The following ZNF469 variants were observed in gnomAD, a reference collection of about 807,000 sequenced individuals.
ZNF469 encodes the protein zinc finger protein 469.
A neutral mutation model predicts 1.0 loss-of-function variants in ZNF469; 1 was observed. The observed-to-expected ratio is 1.00, with a 90% CI of 0.35 to 4.73. The LOEUF (loss-of-function observed/expected upper bound fraction) is 4.73. ZNF469 is among the 30% of genes most tolerant of loss of function. ZNF469 has a pLI of 0.16. For missense variants in ZNF469, 6,100 were observed against 5,356.3 expected, an observed-to-expected ratio of 1.14 and a Z score of -4.33; for synonymous variants, 2,703 against 2,363.4, an observed-to-expected ratio of 1.14 and a Z score of -4.17.
the ZNF469 span, among the ~76,000 whole-genome samples, chr16:88,159,581 G>A: frequency 7.2e-5 from 11 of 152,164 alleles, no homozygotes; most frequent in Non-Finnish European, 1.5e-4. Context: ...GCCCTTCCCC[G>A]CATTCTCGTC....
At chr16:88,129,591 T>C in the ZNF469 span, among the ~76,000 whole-genome samples, 2 of 152,240 alleles carry the variant, frequency 1.3e-5, no homozygotes, top group Non-Finnish European at 2.9e-5. Context: ...TGGTGGTTCA[T>C]GCCTATAATC....
At chr16:88,270,357 G>A in the ZNF469 span, among the ~76,000 whole-genome samples, 5 of 152,304 alleles carry the variant, frequency 3.3e-5, no homozygotes, top group Admixed American at 6.5e-5. Flanking sequence ...TTTCAGCACC[G>A]TGGGCTGATG....
intron 1 of ZNF469, among the ~76,000 whole-genome samples, chr16:88,407,936 C>T (rs1905061729): frequency 6.6e-6 from 1 of 152,260 alleles, no homozygotes. Flanking sequence ...GTGCCTGCTG[C>T]ATCACGTGAG....
the ZNF469 span, among the ~76,000 whole-genome samples, chr16:88,188,998 G>A: frequency 1.3e-5 from 2 of 152,028 alleles, no homozygotes; most frequent in African/African-American, 4.8e-5. Context: ...CTTTTGGAAA[G>A]GAAGGTCCTT....
At chr16:88,292,282 C>T in the ZNF469 span, among the ~76,000 whole-genome samples, 4 of 152,106 alleles carry the variant, frequency 2.6e-5, no homozygotes, top group Non-Finnish European at 5.9e-5. Context: ...TCCCCAGCAC[C>T]GAGGACCATG....
the ZNF469 span, chr16:88,194,781 GTTC>G: frequency 2.0e-4 from 30 of 152,340 alleles, no homozygotes; most frequent in African/African-American, 7.2e-4. Context: ...AGTGTCAGCT[GTTC>G]TTCTGTCTTT....
chr16:88,419,745 C>T (rs1353571836), intron 1 of ZNF469, among the ~76,000 whole-genome samples: 1 of 152,232 alleles, frequency 6.6e-6, no homozygotes, highest in Non-Finnish European at 1.5e-5. Context: ...GAGACCCTCA[C>T]CCAAGGCCAA....
At chr16:88,261,823 T>G in the ZNF469 span, among the ~76,000 whole-genome samples, 1 of 152,124 alleles carries the variant, frequency 6.6e-6, no homozygotes, top group African/African-American at 2.4e-5. This position sits in a 1 kb window ranked among gnomAD's most constrained non-coding sequence, Gnocchi z 6.0. Context: ...TCCGTCTGGA[T>G]CTTCAGGGTG....
chr16:88,438,924 A>T lies in ZNF469; in HGVS notation c.11454A>T (p.Lys3818Asn), dbSNP rs377311926. The T allele has an allele frequency of 4.5e-6, 7 of 1,550,446 alleles. No individual in the cohort carries two copies. In the East Asian group the frequency reaches 1.7e-4, roughly 38 times the overall value. Residue 3818 changes from lysine (K) to asparagine (N), a missense_variant, in exon 3 of 3, where the codon AAA becomes AAT. Lys to Asn is a moderately conservative substitution (Grantham distance 94, BLOSUM62 0). Coordinates refer to ENST00000565624, the MANE Select transcript of ZNF469 (RefSeq NM_001367624.2). ...KEKGESSTKR[K>N]KGQVPGPARS... ...AGGGAGAGAGCAGTACGAAGAGGAAAAAGGGCCAGGTCCCAGGGCCAGCCA... is the reference window on the plus strand; with the variant it reads ...AGGGAGAGAGCAGTACGAAGAGGAATAAGGGCCAGGTCCCAGGGCCAGCCA...
In ZNF469 at chr16:88,433,647, G is replaced by A. The variant is rs771042751; in HGVS notation, c.6177G>A (p.Pro2059=). 4.3e-5 allele frequency: 66 copies of A among 1,549,942 alleles called. No individual in the cohort carries two copies. Among genetic ancestry groups the A allele is most frequent in the African/African-American group, 2.2e-4 (16 of 73,020 alleles). Residue 2059 remains proline (P), a synonymous_variant, in exon 3 of 3, where the codon CCG becomes CCA. Coordinates refer to ENST00000565624, the MANE Select transcript of ZNF469 (RefSeq NM_001367624.2). The part of the protein sequence containing the change: ...QEEAEPTPSP[P]SPNRESLALA... ...AGGCCGAGCCCACCCCAAGCCCCCC[G>A]TCCCCTAATAGGGAGTCCCTGGCGC...
Position 88,438,648 on chromosome 16 carries a change from C to A in ZNF469, c.11178C>A (p.Ala3726=). Residue 3726 remains alanine, a synonymous_variant, in exon 3 of 3, where the codon GCC becomes GCA. Transcript: ENST00000565624. ...ENGMKPATPK[A]KPGPSSQGSG... is the part of the protein sequence containing the mutation. ...GGATGAAGCCCGCCACCCCCAAAGCCAAACCCGGCCCCAGCTCCCAGGGCA... is the reference window on the plus strand; with the variant it reads ...GGATGAAGCCCGCCACCCCCAAAGCAAAACCCGGCCCCAGCTCCCAGGGCA... 3 of 1,550,102 alleles carry A rather than the reference C, an allele frequency of 1.9e-6. No individual in the cohort carries two copies. The highest frequency in any genetic ancestry group is 1.7e-6 in the Non-Finnish European group (2 of 1,146,894).
At chr16:88,212,925 T>C in the ZNF469 span, among the ~76,000 whole-genome samples, 1 of 152,180 alleles carries the variant, frequency 6.6e-6, no homozygotes, top group Non-Finnish European at 1.5e-5. Context: ...TTTCTTCCCA[T>C]TTTTTGGTCC....
chr16:88,260,872 G>A, the ZNF469 span, among the ~76,000 whole-genome samples: 1 of 152,182 alleles, frequency 6.6e-6, no homozygotes, highest in East Asian at 1.9e-4. This position sits in a 1 kb window ranked among gnomAD's most constrained non-coding sequence, Gnocchi z 4.1. Flanking sequence ...GTCCCGATAA[G>A]AGGGAACAGA....
At chr16:88,318,817 G>A in the ZNF469 span, among the ~76,000 whole-genome samples, 14 of 152,366 alleles carry the variant, frequency 9.2e-5, 1 homozygote, top group African/African-American at 2.9e-4. Context: ...CCCGAACAGC[G>A]CGTGCAAGGG....
the ZNF469 span, among the ~76,000 whole-genome samples, chr16:88,363,084 G>C: frequency 3.3e-5 from 5 of 152,006 alleles, no homozygotes; most frequent in Non-Finnish European, 7.4e-5. Flanking sequence ...TTTCTGTTGA[G>C]GCTTTCTGTC....
the ZNF469 span, among the ~76,000 whole-genome samples, chr16:88,376,977 G>A: frequency 4.6e-5 from 7 of 152,244 alleles, no homozygotes; most frequent in Admixed American, 3.3e-4. Context: ...GCCCGCTCAT[G>A]CCGCCGGGAG....
the ZNF469 span, among the ~76,000 whole-genome samples, chr16:88,141,533 A>T: frequency 6.0e-5 from 2 of 33,060 alleles, no homozygotes; most frequent in African/African-American, 2.0e-4. Context: ...GCCTGCTATG[A>T]AACGCTCAGC....
In ZNF469 at chr16:88,430,501, C is replaced by T; in HGVS notation, c.3031C>T (p.Arg1011Trp). ...CGGGAGCCGCGCAGACCCCGCGCCC[C>T]GGGTCCCGAGAGCCGCCGCCCTCCC... is the stretch of plus-strand genomic sequence containing the variant. ...APGSRADPAP[R>W]VPRAAALPEE... Residue 1011 changes from arginine to tryptophan, a missense_variant, in exon 3 of 3, where the codon CGG becomes TGG. Transcript: ENST00000565624. The T allele has an allele frequency of 1.5e-5, 21 of 1,420,808 alleles. No individual in the cohort carries two copies. Among genetic ancestry groups the T allele is most frequent in the Non-Finnish European group, 1.8e-5 (20 of 1,097,984 alleles). The allele number at this position is 1,420,808 out of a possible 1,614,324, so 88.0% of individuals were successfully genotyped here.
chr16:88,293,513 T>C, the ZNF469 span, among the ~76,000 whole-genome samples: 6 of 152,058 alleles, frequency 3.9e-5, no homozygotes, highest in African/African-American at 1.4e-4. Context: ...GGTAGGTAGA[T>C]AGATGAATGG....
Sources: gnomAD v4.1 joint callset for allele counts (sites outside exome capture counted in the v4.1 genomes callset) on GRCh38, gnomAD v4.1.1 for gene constraint, Gnocchi (gnomAD v3.1) non-coding constraint, MANE v1.5 for transcripts, NCBI Gene and HGNC (gene_info 2026-07-23, HGNC 2026-07-21) for gene names.